ADPRHL1: variants seen among roughly 807,000 people sequenced by gnomAD.
ADPRHL1 encodes ADP-ribosylhydrolase like 1, also known as inactive ADP-ribosyltransferase ARH2.
Under a neutral mutation model 44.1 loss-of-function variants are expected in ADPRHL1, and 43 were observed. The observed-to-expected ratio is 0.98, with a 90% CI of 0.76 to 1.26. The LOEUF (loss-of-function observed/expected upper bound fraction) is 1.26. Ranked by LOEUF, ADPRHL1 falls within the 50% of genes most tolerant of loss-of-function variation. The probability of loss-of-function intolerance (pLI) is 0.00; values close to 1 mark genes in which losing one functional copy is unlikely to be tolerated. For missense variants in ADPRHL1, 2,022 were observed against 2,496.9 expected (o/e 0.81, Z 4.05); for synonymous variants, 878 against 1,017.4 (o/e 0.86, Z 2.61).
At chr13:113,421,124 CAG>C in intron 7 of ADPRHL1, among the ~76,000 whole-genome samples, 1 of 138,302 alleles carries the variant, frequency 7.2e-6, no homozygotes, top group Non-Finnish European at 1.6e-5. Flanking sequence ...ATCCCCAGGA[CAG>C]ACCCACCCCC....
Position 113,445,937 on chromosome 13 carries a change from C to T in ADPRHL1, c.215-1348G>A, listed in dbSNP as rs182401757. 2.2e-3 allele frequency among the ~76,000 whole-genome samples: 333 copies of T among 150,220 alleles called. 6 individuals carry two copies. Among genetic ancestry groups the T allele is most frequent in the African/African-American group, 7.6e-3 (311 of 40,850 alleles). Reference sequence around the variant, plus strand: ...TGCAAACCCCTGGAGAGAGCACGCACGTGTAGGGACCATGGCTGCAAACCC... The same window carrying T: ...TGCAAACCCCTGGAGAGAGCACGCATGTGTAGGGACCATGGCTGCAAACCC... On this transcript the variant is annotated intron_variant, in intron 1 of 7. Transcript: ENST00000612156.
Position 113,409,283 on chromosome 13 carries a change from G to A in ADPRHL1, c.1062-1063C>T, listed in dbSNP as rs759692098. ...TGGAAGGTCTCCCCATCTGTGGCAG[G>A]GGGTGGAGCCGTCTCTGACCTCCCC... On this transcript the variant is annotated intron_variant, in intron 7 of 7. Transcript: ENST00000612156. This position sits in a 1 kb window ranked among gnomAD's most constrained non-coding sequence, Gnocchi z 4.2. The A allele has an allele frequency of 2.0e-6, 2 of 985,178 alleles. No individual in the cohort carries two copies. The highest frequency in any genetic ancestry group is 2.4e-6 in the Non-Finnish European group (2 of 829,842). 61.0% of individuals were successfully genotyped at this position (985,178 alleles called of 1,614,324 possible).
rs1031414748 is a variant in ADPRHL1, at chr13:113,441,286, T to C, written c.379+3139A>G. ...GCATTTGGCGTCATTATTATTATCT[T>C]GTTTGTTTTCTACCTGTACTGTCTA... On this transcript the variant is annotated intron_variant, in intron 2 of 7. Coordinates refer to ENST00000612156, the MANE Select transcript of ADPRHL1 (RefSeq NM_001394807.1). The surrounding 1 kb of genome is among the most constrained non-coding windows in gnomAD (Gnocchi z 6.0). Among the ~76,000 whole-genome samples the C allele has an allele frequency of 4.2e-4, 64 of 152,312 alleles. No homozygotes were observed. Among genetic ancestry groups the C allele is most frequent in the Admixed American group, 8.5e-4 (13 of 15,302 alleles).
chr13:113,420,341 T>C (rs1459130475), intron 7 of ADPRHL1, among the ~76,000 whole-genome samples: 1 of 152,182 alleles, frequency 6.6e-6, no homozygotes, highest in Non-Finnish European at 1.5e-5. Flanking sequence ...ACTCACTTTC[T>C]GATTCTCACG....
chr13:113,429,811 C>T lies in ADPRHL1; in HGVS notation c.506-719G>A, dbSNP rs543199010. ...GGGCTTTTCTTGCCTAACTTCTGGG[C>T]GTGCATTAGCAGCCAGCAAGCTCAT... On this transcript the variant is annotated intron_variant, in intron 3 of 7. Transcript: ENST00000612156. Among the ~76,000 whole-genome samples the T allele has an allele frequency of 1.2e-3, 190 of 152,346 alleles. 1 individual carries two copies. Among genetic ancestry groups the T allele is most frequent in the African/African-American group, 2.2e-3 (90 of 41,578 alleles).
In ADPRHL1 at chr13:113,417,170, C is replaced by T. The variant is rs527851844; in HGVS notation, c.1061+5656G>A. Reference sequence around the variant, plus strand: ...ATGCACCAGCACCCCACTGGCAGGGCCCCGGGGACTCTGTGCTCTCTGGTT... The same window carrying T: ...ATGCACCAGCACCCCACTGGCAGGGTCCCGGGGACTCTGTGCTCTCTGGTT... On this transcript the variant is annotated intron_variant, in intron 7 of 7. Transcript: ENST00000612156. Among the ~76,000 whole-genome samples, 17 of 152,350 alleles carry T rather than the reference C, an allele frequency of 1.1e-4. No individual in the cohort carries two copies. The East Asian group carries it at 1.7e-3, about 16-fold the overall frequency.
chr13:113,433,843 T>C lies in ADPRHL1; in HGVS notation c.404A>G (p.Lys135Arg). 1 of 1,565,884 alleles carries C rather than the reference T, an allele frequency of 6.4e-7. No individual in the cohort carries two copies. The highest frequency in any genetic ancestry group is 1.2e-5 in the South Asian group (1 of 85,274). Residue 135 changes from lysine to arginine, a missense_variant, in exon 3 of 8, where the codon AAG (lysine) becomes AGG (arginine). By Grantham distance (26) the Lys-to-Arg change is conservative. Around this residue, in one of 8 missense-constraint regions of ADPRHL1, gnomAD observed 437 missense variants for 430.7 expected, o/e 1.01. Coordinates refer to ENST00000612156, the MANE Select transcript of ADPRHL1 (RefSeq NM_001394807.1). Reference sequence around the variant, plus strand: ...GTACCGCAGGCCGATGCACATGGCCTTGGTGGCCGCTCCAAACCCTGAGCC... The same window carrying C: ...GTACCGCAGGCCGATGCACATGGCCCTGGTGGCCGCTCCAAACCCTGAGCC... Reference protein sequence around the residue: ...EKGSGFGAATKAMCIGLRYWK... With the variant: ...EKGSGFGAATRAMCIGLRYWK...
At position 113,403,964 on chromosome 13, in the gene ADPRHL1, C is replaced by T. The variant is rs1367638834; in HGVS notation, c.5318G>A (p.Arg1773Gln). ...CCAGCCCTGATCCCGAGCCCGATCC[C>T]GAGCCCATTCCTGAGCCCCTTTCTG... ...QAQKGAQEWA[R>Q]DRARDQGWEQ... The change falls in exon 8 of 8, where the codon CGG becomes CAG. Residue 1773 changes from arginine (R) to glutamine (Q), a missense_variant. Physicochemically the swap from Arg to Gln is conservative, Grantham distance 43. This residue lies in a region of ADPRHL1 where 205 missense variants were observed against 250.1 expected (regional missense o/e 0.82). Transcript: ENST00000612156. 10 of 1,294,066 alleles carry T rather than the reference C, an allele frequency of 7.7e-6. No homozygotes were observed. The highest frequency in any genetic ancestry group is 6.3e-5 in the East Asian group (2 of 31,728). The allele number at this position is 1,294,066 out of a possible 1,614,324, so 80.2% of individuals were successfully genotyped here.
rs182156042 is a variant in ADPRHL1 at position 113,441,078 on chromosome 13, G to A, written c.379+3347C>T. 5.9e-5 allele frequency among the ~76,000 whole-genome samples: 9 copies of A among 152,120 alleles called. No individual in the cohort carries two copies. The highest frequency in any genetic ancestry group is 1.3e-4 in the Admixed American group (2 of 15,274). Reference sequence around the variant, plus strand: ...GGAGGCAGGAGAATCAGCTGAACCCGGGAAGTAGAGGTTGCAGTGAGCCAA... The same window carrying A: ...GGAGGCAGGAGAATCAGCTGAACCCAGGAAGTAGAGGTTGCAGTGAGCCAA... On this transcript the variant is annotated intron_variant, in intron 2 of 7. Transcript: ENST00000612156. The surrounding 1 kb of genome is among the most constrained non-coding windows in gnomAD (Gnocchi z 6.0).
In ADPRHL1 at chr13:113,399,955, T is replaced by G. The variant is rs549878804; in HGVS notation, c.*3423A>C. Reference sequence around the variant, plus strand: ...TCTCGGGACCTTCCTGCCGCCTGAGTGCACCGCCTCCCGCCCGGCTGTTGT... The same window carrying G: ...TCTCGGGACCTTCCTGCCGCCTGAGGGCACCGCCTCCCGCCCGGCTGTTGT... On this transcript the variant is annotated 3_prime_UTR_variant, in exon 8 of 8. Transcript: ENST00000612156. 12 of 151,646 alleles carry G rather than the reference T, an allele frequency of 7.9e-5. No homozygotes were observed. The highest frequency in any genetic ancestry group is 2.9e-4 in the African/African-American group (12 of 41,382). The allele number at this position is 151,646 out of a possible 1,614,324, so 9.4% of individuals were successfully genotyped here.
At position 113,433,753 on chromosome 13, in the gene ADPRHL1, T is replaced by A; in HGVS notation, c.494A>T (p.Asn165Ile). ...VSVECGRMTH[N>I]HPTGFLGSLC... is the part of the protein sequence containing the mutation. ...CCGCCCACACTTACCTGTGGGATGG[T>A]TGTGGGTCATCCGGCCGCACTCCAC... Residue 165 changes from asparagine (N) to isoleucine (I), a missense_variant, in exon 3 of 8, where the codon AAC becomes ATC. Physicochemically the swap from Asn to Ile is moderately radical, Grantham distance 149. Around this residue, in one of 8 missense-constraint regions of ADPRHL1, gnomAD observed 437 missense variants for 430.7 expected, o/e 1.01. Coordinates refer to ENST00000612156, the MANE Select transcript of ADPRHL1 (RefSeq NM_001394807.1). 6.8e-7 allele frequency: 1 copy of A among 1,474,288 alleles called. No individual in the cohort carries two copies. Among genetic ancestry groups the A allele is most frequent in the African/African-American group, 1.5e-5 (1 of 68,870 alleles). The allele number at this position is 1,474,288 out of a possible 1,614,324, so 91.3% of individuals were successfully genotyped here. A position where few individuals can be genotyped will look rare whatever the true frequency, so the allele number is the denominator to read the frequency against.
chr13:113,406,759 T>C lies in ADPRHL1; in HGVS notation c.2523A>G (p.Pro841=). 8.1e-7 allele frequency: 1 copy of C among 1,231,996 alleles called. No individual in the cohort carries two copies. The highest frequency in any genetic ancestry group is 1.0e-6 in the Non-Finnish European group (1 of 987,984). The allele number at this position is 1,231,996 out of a possible 1,614,324, so 76.3% of individuals were successfully genotyped here. Residue 841 remains proline (P), a synonymous_variant, in exon 8 of 8, where the codon CCA becomes CCG. Transcript: ENST00000612156. ...CAACTGGAATTTGGACAGTTATCCG[T>C]GGAGGCTCCGTGGCAGGCTGTGTTC... ...ARRTQPATEP[P]RITVQIPVVH... is the part of the protein sequence containing the mutation.
intron 2 of ADPRHL1, among the ~76,000 whole-genome samples, chr13:113,435,021 C>G (rs2044039794): frequency 7.3e-6 from 1 of 136,626 alleles, no homozygotes; most frequent in East Asian, 2.3e-4. Flanking sequence ...ACCCGGCACC[C>G]AGGTGTAGAG....
intron 7 of ADPRHL1, 179 bp downstream of exon 7, chr13:113,422,647 T>A: frequency 1.3e-6 from 1 of 765,578 alleles, no homozygotes; most frequent in African/African-American, 1.8e-5. Context: ...GGACAAACAA[T>A]GTATTTTATG....
chr13:113,419,055 TCTCC>T (rs1474658172), intron 7 of ADPRHL1, among the ~76,000 whole-genome samples: 4,653 of 125,958 alleles, frequency 0.037, 184 homozygotes, highest in East Asian at 0.062. Context: ...CCTTCCTTCT[TCTCC>T]TTCCTTCACT....
chr13:113,423,082 C>T, intron 6 of ADPRHL1, 103 bp from the exon 7 acceptor site: 3 of 1,493,344 alleles, frequency 2.0e-6, no homozygotes, highest in Non-Finnish European at 1.8e-6. Flanking sequence ...CCCAATTCTG[C>T]TGGGGGCAGC....
In ADPRHL1 at chr13:113,409,069, G is replaced by A. The variant is rs927814317; in HGVS notation, c.1062-849C>T. On this transcript the variant is annotated intron_variant, in intron 7 of 7. Coordinates refer to ENST00000612156, the MANE Select transcript of ADPRHL1 (RefSeq NM_001394807.1). This position sits in a 1 kb window ranked among gnomAD's most constrained non-coding sequence, Gnocchi z 4.2. ...GGAGCCACTGAGGCTGGGGGCTGCC[G>A]CCCTTTCCCAGTGAGATGTTTTTCT... is the stretch of plus-strand genomic sequence containing the variant. Among the ~76,000 whole-genome samples the A allele has an allele frequency of 2.0e-5, 3 of 152,212 alleles. No individual in the cohort carries two copies. The highest frequency in any genetic ancestry group is 4.1e-4 in the South Asian group (2 of 4,836).
chr13:113,423,488 G>C (rs372096416), intron 6 of ADPRHL1, among the ~76,000 whole-genome samples: 112 of 152,344 alleles, frequency 7.4e-4, no homozygotes, highest in African/African-American at 2.5e-3. Context: ...CTGTGCAGAG[G>C]CTTCCTGACC....
At chr13:113,412,424 T>C (rs933301904) in intron 7 of ADPRHL1, among the ~76,000 whole-genome samples, 12 of 152,168 alleles carry the variant, frequency 7.9e-5, no homozygotes, top group Admixed American at 2.0e-4. Context: ...GTGATCCGCC[T>C]GCCTCGGCCT....
Sources: allele counts gnomAD v4.1 joint callset (sites outside exome capture counted in the v4.1 genomes callset), GRCh38; gene constraint gnomAD v4.1.1; regional missense constraint gnomAD v4.1.1; non-coding constraint Gnocchi (gnomAD v3.1); transcripts MANE v1.5; gene names NCBI Gene and HGNC (gene_info 2026-07-23, HGNC 2026-07-21).